SPOP: variants seen among roughly 807,000 people sequenced by gnomAD.
The protein encoded by SPOP is speckle type BTB/POZ protein, also known as speckle-type POZ protein.
In SPOP, 11 loss-of-function variants were observed where a neutral mutation model predicts 45.6. The ratio of observed to expected loss-of-function variants is 0.24; its 90% confidence interval spans 0.15 to 0.40. SPOP has a LOEUF of 0.40. Ranked by LOEUF, SPOP falls within the 10% of genes least tolerant of loss-of-function variation. The pLI is 1.00. For missense variants in SPOP, 152 were observed against 465.6 expected, an observed-to-expected ratio of 0.33 and a Z score of 6.20; for synonymous variants, 166 against 166.3, an observed-to-expected ratio of 1.00 and a Z score of 0.01.
intron 1 of SPOP, among the ~76,000 whole-genome samples, chr17:49,668,700 G>A (rs959423258): frequency 1.3e-4 from 20 of 150,908 alleles, no homozygotes; most frequent in African/African-American, 4.4e-4. Context: ...TTTTCTATAT[G>A]TTTAAGATAT....
chr17:49,656,974 G>A (rs2072920690), intron 1 of SPOP, among the ~76,000 whole-genome samples: 1 of 152,080 alleles, frequency 6.6e-6, no homozygotes, highest in Admixed American at 6.6e-5. Context: ...GAGGTCAGGA[G>A]ATCGAGACCA....
At chr17:49,651,069 G>A (rs1239232131) in intron 1 of SPOP, among the ~76,000 whole-genome samples, 1 of 152,060 alleles carries the variant, frequency 6.6e-6, no homozygotes, top group East Asian at 1.9e-4. Flanking sequence ...ACAGTTATGT[G>A]AGGAAAAAAA....
At position 49,600,263 on chromosome 17, in the gene SPOP, T is replaced by TC. The variant is rs1353270261; in HGVS notation, c.*114dup. ...AGTCTGGGGCCACAATGCAGTCTCT[T>TC]CCCCTCACAACAGAGTAAAAGCTCC... is the stretch of plus-strand genomic sequence containing the variant. On this transcript the variant is annotated 3_prime_UTR_variant, in exon 10 of 10. Coordinates refer to ENST00000504102, the MANE Select transcript of SPOP (RefSeq NM_001007228.2). The surrounding 1 kb of genome is among the most constrained non-coding windows in gnomAD (Gnocchi z 4.2). 1 of 1,379,180 alleles carries TC rather than the reference T, an allele frequency of 7.3e-7. No individual in the cohort carries two copies. Among genetic ancestry groups the TC allele is most frequent in the African/African-American group, 1.4e-5 (1 of 69,440 alleles). The allele number at this position is 1,379,180 out of a possible 1,614,324, so 85.4% of individuals were successfully genotyped here.
intron 7 of SPOP, 65 bp from the exon 8 acceptor site, chr17:49,607,437 T>C: frequency 6.4e-7 from 1 of 1,562,372 alleles, no homozygotes. Context: ...CTAAACTATT[T>C]TCATGATTTT....
chr17:49,646,029 CTAACCA>C (rs1403839861), intron 1 of SPOP: 15 of 152,296 alleles, frequency 9.8e-5, no homozygotes, highest in African/African-American at 3.1e-4. Context: ...ATAAAAAGTA[CTAACCA>C]TATTTTGCTG....
At chr17:49,606,504 T>C (rs1253236321) in intron 8 of SPOP, among the ~76,000 whole-genome samples, 7 of 143,048 alleles carry the variant, frequency 4.9e-5, no homozygotes, top group South Asian at 2.2e-4. Context: ...TCTTTTTTTT[T>C]TTTTTTTTTT....
chr17:49,677,764 C>T (rs2073222206), intron 1 of SPOP, among the ~76,000 whole-genome samples, 169 bp downstream of exon 1: 1 of 146,126 alleles, frequency 6.8e-6, no homozygotes, highest in Non-Finnish European at 1.5e-5. Flanking sequence ...TGATTCGGCT[C>T]TGGCATTCGC....
Position 49,600,406 on chromosome 17 carries a change from G to A in SPOP, c.1097C>T (p.Pro366Leu), listed in dbSNP as rs2143097882. The A allele has an allele frequency of 1.2e-6, 2 of 1,614,078 alleles. No individual in the cohort carries two copies. Among genetic ancestry groups the A allele is most frequent in the Non-Finnish European group, 1.7e-6 (2 of 1,180,006 alleles). The change falls in exon 10 of 10, where the codon CCC becomes CTC. Residue 366 changes from proline (P) to leucine (L), a missense_variant. Physicochemically the swap from Pro to Leu is moderately conservative, Grantham distance 98. This residue lies in a region of SPOP where 106 missense variants were observed against 255.2 expected (regional missense o/e 0.42). Transcript: ENST00000504102. The surrounding 1 kb of genome is among the most constrained non-coding windows in gnomAD (Gnocchi z 4.2). ...LASAQCPFLG[P>L]PRKRLKQS is the part of the protein sequence containing the mutation. ...GGATTGCTTCAGGCGTTTGCGTGGGGGTCCCAGAAAAGGGCACTGTGCTGA... is the reference window on the plus strand; with the variant it reads ...GGATTGCTTCAGGCGTTTGCGTGGGAGTCCCAGAAAAGGGCACTGTGCTGA...
chr17:49,628,562 C>A (rs554188306), intron 1 of SPOP, among the ~76,000 whole-genome samples: 1 of 152,218 alleles, frequency 6.6e-6, no homozygotes, highest in East Asian at 1.9e-4. Context: ...GGTTGAGTAT[C>A]CCTGCTCTGA....
chr17:49,677,067 C>G (rs1282753115), intron 1 of SPOP, among the ~76,000 whole-genome samples: 3 of 152,176 alleles, frequency 2.0e-5, no homozygotes, highest in African/African-American at 7.2e-5. Flanking sequence ...AGTAAGAAGG[C>G]CGGTGCCCTT....
At position 49,661,092 on chromosome 17, in the gene SPOP, C is replaced by G. The variant is rs941360057; in HGVS notation, c.-67+16841G>C. On this transcript the variant is annotated intron_variant, in intron 1 of 9. Coordinates refer to ENST00000504102, the MANE Select transcript of SPOP (RefSeq NM_001007228.2). ...CAGAGTGGGGATTTTCTATGAGGCTCACCATTATACAAACTTTGCCTCACT... is the reference window on the plus strand; with the variant it reads ...CAGAGTGGGGATTTTCTATGAGGCTGACCATTATACAAACTTTGCCTCACT... Among the ~76,000 whole-genome samples, 3 of 152,282 alleles carry G rather than the reference C, an allele frequency of 2.0e-5. No homozygotes were observed. In the East Asian group the frequency reaches 5.8e-4, roughly 29 times the overall value.
rs147460430 is a variant in SPOP at position 49,654,388 on chromosome 17, C to A, written c.-67+23545G>T. Among the ~76,000 whole-genome samples, 73 of 152,258 alleles carry A rather than the reference C, an allele frequency of 4.8e-4. No individual in the cohort carries two copies. In the East Asian group the frequency reaches 0.013, roughly 28 times the overall value. ...GACTACAGGTATGCTGCCACCACAG[C>A]CAACTAAATGTTTAATTAAATAACT... On this transcript the variant is annotated intron_variant, in intron 1 of 9. Transcript: ENST00000504102.
At chr17:49,644,558 G>C (rs1404967996) in intron 1 of SPOP, among the ~76,000 whole-genome samples, 3 of 152,086 alleles carry the variant, frequency 2.0e-5, no homozygotes, top group Non-Finnish European at 4.4e-5. Flanking sequence ...GGGTAAAAAG[G>C]AAAACAATTT....
At chr17:49,611,656 A>G (rs930155155) in intron 5 of SPOP, among the ~76,000 whole-genome samples, 199 bp from the exon 6 acceptor site, 2 of 152,170 alleles carry the variant, frequency 1.3e-5, no homozygotes, top group African/African-American at 4.8e-5. Context: ...CTTATTCTAT[A>G]CCATCTCAGG....
Position 49,600,219 on chromosome 17 carries a change from T to G in SPOP, c.*159A>C. ...TTCCCTCCCCCCGTTTCCCCCAAGTTATTTAGTGCTGTTTTAAAAGTCTGG... is the reference window on the plus strand; with the variant it reads ...TTCCCTCCCCCCGTTTCCCCCAAGTGATTTAGTGCTGTTTTAAAAGTCTGG... On this transcript the variant is annotated 3_prime_UTR_variant, in exon 10 of 10. Coordinates refer to ENST00000504102, the MANE Select transcript of SPOP (RefSeq NM_001007228.2). This position sits in a 1 kb window ranked among gnomAD's most constrained non-coding sequence, Gnocchi z 4.2. 2.2e-6 allele frequency: 2 copies of G among 910,886 alleles called. No individual in the cohort carries two copies. The highest frequency in any genetic ancestry group is 3.4e-6 in the Non-Finnish European group (2 of 595,648). The allele number at this position is 910,886 out of a possible 1,614,324, so 56.4% of individuals were successfully genotyped here.
At chr17:49,650,872 G>A (rs983800913) in intron 1 of SPOP, among the ~76,000 whole-genome samples, 1 of 152,194 alleles carries the variant, frequency 6.6e-6, no homozygotes, top group Non-Finnish European at 1.5e-5. Context: ...AAAGTCTGGT[G>A]AATAAAGGAA....
Position 49,639,229 on chromosome 17 carries a change from T to A in SPOP, c.-66-16353A>T, listed in dbSNP as rs180701033. Among the ~76,000 whole-genome samples the A allele has an allele frequency of 3.3e-5, 5 of 152,356 alleles. No individual in the cohort carries two copies. In the East Asian group the frequency reaches 9.6e-4, roughly 29 times the overall value. ...CCTTTAGTCCCTTACTCTCCACTTT[T>A]TTTTTTAAGCTTAAGGTTTGGGTTT... On this transcript the variant is annotated intron_variant, in intron 1 of 9. Transcript: ENST00000504102.
At chr17:49,670,950 G>A (rs1231174283) in intron 1 of SPOP, among the ~76,000 whole-genome samples, 4 of 152,216 alleles carry the variant, frequency 2.6e-5, no homozygotes, top group South Asian at 4.1e-4. Context: ...GTGCATAGAC[G>A]CACAGATGTT....
rs868372308 is a variant in SPOP at position 49,665,996 on chromosome 17, T to A, written c.-67+11937A>T. On this transcript the variant is annotated intron_variant, in intron 1 of 9. Transcript: ENST00000504102. ...TCCATCTCAAAAAAAAAAAAAAAAA[T>A]ACCAGTATGACAGAAAGTCTGAAAA... Among the ~76,000 whole-genome samples, 1,290 of 141,030 alleles carry A rather than the reference T, an allele frequency of 9.1e-3. 19 individuals are homozygous for A. The highest frequency in any genetic ancestry group is 0.032 in the African/African-American group (1,213 of 37,896). The allele number at this position is 141,030 out of a possible 152,430, so 92.5% of individuals were successfully genotyped here.
Sources: gnomAD v4.1 joint callset for allele counts (sites outside exome capture counted in the v4.1 genomes callset) on GRCh38, gnomAD v4.1.1 for gene constraint, gnomAD v4.1.1 regional missense constraint, Gnocchi (gnomAD v3.1) non-coding constraint, MANE v1.5 for transcripts, NCBI Gene and HGNC (gene_info 2026-07-23, HGNC 2026-07-21) for gene names.